Variants in MAF observed in about 807,000 individuals in gnomAD.
The protein encoded by MAF is MAF bZIP transcription factor.
Under a neutral mutation model 22.0 loss-of-function variants are expected in MAF, and 10 were observed. That is an observed-to-expected ratio of 0.45 (90% CI 0.28 to 0.77). The LOEUF (loss-of-function observed/expected upper bound fraction) is 0.77, where lower values mean the gene tolerates loss of function less well. Among genes scored for constraint, MAF ranks in the 30% least tolerant of loss-of-function variants. The pLI, the probability that MAF is intolerant of heterozygous loss-of-function variation, is 0.12. For synonymous variants in MAF, 337 were observed against 255.8 expected (o/e 1.32, Z -3.03); for missense variants, 544 against 548.4 (o/e 0.99, Z 0.08).
downstream of MAF, among the ~76,000 whole-genome samples, chr16:79,584,695 C>A (rs1433707474): frequency 6.6e-6 from 1 of 152,130 alleles, no homozygotes; most frequent in Non-Finnish European, 1.5e-5. Flanking sequence ...ATCGGAACTG[C>A]ATGCACAGAC....
At chr16:79,212,112 TTTACTG>T in the MAF span, 5 of 1,535,674 alleles carry the variant, frequency 3.3e-6, no homozygotes, top group Admixed American at 7.9e-5. Context: ...TTCTCTTTCT[TTTACTG>T]TTATAGAATA....
the MAF span, among the ~76,000 whole-genome samples, chr16:79,469,567 C>G: frequency 1.3e-5 from 2 of 151,938 alleles, no homozygotes; most frequent in Non-Finnish European, 2.9e-5. Flanking sequence ...TTTTTATATG[C>G]AAGGTCTCAT....
the MAF span, among the ~76,000 whole-genome samples, chr16:79,456,209 A>G: frequency 1.3e-5 from 2 of 152,034 alleles, no homozygotes; most frequent in South Asian, 4.2e-4. Flanking sequence ...CTGCTAACAT[A>G]CAGTCCTGGA....
At chr16:79,408,144 C>T in the MAF span, among the ~76,000 whole-genome samples, 4 of 145,418 alleles carry the variant, frequency 2.8e-5, no homozygotes, top group East Asian at 6.3e-4. Context: ...TGTGCTTTAG[C>T]TTCAGAAGAA....
the MAF span, among the ~76,000 whole-genome samples, chr16:79,280,422 G>A: frequency 9.2e-5 from 14 of 152,246 alleles, no homozygotes; most frequent in South Asian, 2.1e-4. Context: ...ATACATGTTC[G>A]CAACTATTTG....
the MAF span, among the ~76,000 whole-genome samples, chr16:79,527,442 C>A: frequency 6.6e-6 from 1 of 152,184 alleles, no homozygotes; most frequent in Non-Finnish European, 1.5e-5. Context: ...CCTGTGGGCC[C>A]AGAGGATAAA....
chr16:79,468,201 T>G, the MAF span, among the ~76,000 whole-genome samples: 5 of 152,176 alleles, frequency 3.3e-5, no homozygotes, highest in East Asian at 7.8e-4. Context: ...CACGAGAAGG[T>G]ACAGGTGAAA....
chr16:79,387,684 T>C, the MAF span, among the ~76,000 whole-genome samples: 10 of 152,296 alleles, frequency 6.6e-5, no homozygotes, highest in African/African-American at 2.4e-4. Flanking sequence ...GTTCAAACAG[T>C]ATAAAGGGAA....
chr16:79,211,288 TACCA>T, the MAF span, among the ~76,000 whole-genome samples: 3 of 152,206 alleles, frequency 2.0e-5, no homozygotes, highest in Non-Finnish European at 4.4e-5. Context: ...TTCAGAAGGA[TACCA>T]TCTTTTTCTC....
At chr16:79,211,832 CTG>C in the MAF span, 1 of 1,612,670 alleles carries the variant, frequency 6.2e-7, no homozygotes, top group African/African-American at 1.3e-5. Flanking sequence ...CACACCCGCC[CTG>C]TGTGTGTCCC....
the MAF span, among the ~76,000 whole-genome samples, chr16:79,535,586 CT>C: frequency 7.7e-4 from 101 of 130,560 alleles, 3 homozygotes; most frequent in South Asian, 8.1e-3. Flanking sequence ...ATTGCTTCTT[CT>C]TTTTTTTTTT....
the MAF span, among the ~76,000 whole-genome samples, chr16:79,483,389 G>C: frequency 6.7e-6 from 1 of 149,816 alleles, no homozygotes; most frequent in Non-Finnish European, 1.5e-5. Flanking sequence ...GACAGCAAAG[G>C]AAAGGAAAGA....
At chr16:79,353,528 A>T in the MAF span, among the ~76,000 whole-genome samples, 1 of 152,190 alleles carries the variant, frequency 6.6e-6, no homozygotes, top group Non-Finnish European at 1.5e-5. Flanking sequence ...TGATCTCCGT[A>T]TCAGGGGAAC....
the MAF span, among the ~76,000 whole-genome samples, chr16:79,562,184 C>T: frequency 1.6e-4 from 25 of 152,282 alleles, no homozygotes; most frequent in East Asian, 7.7e-4. Flanking sequence ...ATTCAGACCA[C>T]GTCTAGTCAC....
chr16:79,372,737 G>A, the MAF span, among the ~76,000 whole-genome samples: 3 of 152,112 alleles, frequency 2.0e-5, no homozygotes, highest in Non-Finnish European at 4.4e-5. Flanking sequence ...CAGGTTCTGT[G>A]ATACTTTACA....
At chr16:79,543,308 C>G in the MAF span, among the ~76,000 whole-genome samples, 226 of 152,308 alleles carry the variant, frequency 1.5e-3, no homozygotes, top group Admixed American at 5.2e-3. Flanking sequence ...CCAGGGAGAA[C>G]TGGGGATCAA....
At chr16:79,477,384 A>G in the MAF span, among the ~76,000 whole-genome samples, 1 of 152,216 alleles carries the variant, frequency 6.6e-6, no homozygotes, top group Non-Finnish European at 1.5e-5. Context: ...CAGACGGATC[A>G]GCTTTGCACA....
At chr16:79,278,148 G>A in the MAF span, among the ~76,000 whole-genome samples, 23 of 152,294 alleles carry the variant, frequency 1.5e-4, no homozygotes, top group Middle Eastern at 3.4e-3. Context: ...AGATTGAGTC[G>A]TCCAGGTACC....
the MAF span, among the ~76,000 whole-genome samples, chr16:79,442,016 A>C: frequency 6.6e-6 from 1 of 152,204 alleles, no homozygotes; most frequent in Admixed American, 6.5e-5. Flanking sequence ...TGGAGTGCCA[A>C]AGAACGCCAG....
Sources: gnomAD v4.1 joint callset for allele counts (sites outside exome capture counted in the v4.1 genomes callset) on GRCh38, gnomAD v4.1.1 for gene constraint, MANE v1.5 for transcripts, NCBI Gene and HGNC (gene_info 2026-07-23, HGNC 2026-07-21) for gene names.